SPECC1: variants seen among roughly 807,000 people sequenced by gnomAD.
SPECC1 encodes the protein cytospin-B.
A neutral mutation model predicts 104.1 loss-of-function variants in SPECC1; 62 were observed. The ratio of observed to expected loss-of-function variants is 0.60; its 90% CI spans 0.49 to 0.74. SPECC1 has a LOEUF of 0.74. SPECC1 is among the 30% of genes least tolerant of loss of function. SPECC1 has a pLI of 0.00. For synonymous variants in SPECC1, 513 were observed against 501.6 expected, an observed-to-expected ratio of 1.02 and a Z score of -0.30; for missense variants, 1,306 against 1,310.5, an observed-to-expected ratio of 1.00 and a Z score of 0.05.
In SPECC1 at chr17:20,270,623, G is replaced by GA. The variant is rs997113417; in HGVS notation, c.2940+10342dup. Among the ~76,000 whole-genome samples the GA allele has an allele frequency of 6.3e-4, 94 of 148,742 alleles. 2 individuals are homozygous for GA. In the Middle Eastern group the frequency reaches 0.039, roughly 61 times the overall value. On this transcript the variant is annotated intron_variant, in intron 12 of 14. Transcript: ENST00000395527. The stretch of plus-strand genomic sequence containing the variant: ...AACAGAGAGAGACCCTGTCTCTGGG[G>GA]AAAAAAAAAAAAAGTGTGCCATGAT...
At chr17:20,223,135 C>G (rs1450870294) in intron 4 of SPECC1, among the ~76,000 whole-genome samples, 4 of 152,102 alleles carry the variant, frequency 2.6e-5, no homozygotes, top group African/African-American at 9.7e-5. Context: ...ACCCCAATCT[C>G]TCTCTCTACC....
At chr17:20,096,484 T>C (rs2047648368) in intron 1 of SPECC1, 147 bp from the exon 2 acceptor site, 1 of 951,736 alleles carries the variant, frequency 1.1e-6, no homozygotes, top group African/African-American at 1.6e-5. Flanking sequence ...AAACCCATCT[T>C]AGGAATATTC....
chr17:20,303,312 A>G (rs745675893), intron 13 of SPECC1, among the ~76,000 whole-genome samples: 2 of 152,248 alleles, frequency 1.3e-5, no homozygotes, highest in Non-Finnish European at 2.9e-5. Flanking sequence ...CCCTCTCAGC[A>G]GAACAGAGTA....
intron 1 of SPECC1, among the ~76,000 whole-genome samples, chr17:20,052,272 A>G (rs1402232479): frequency 6.6e-6 from 1 of 152,202 alleles, no homozygotes; most frequent in Admixed American, 6.5e-5. Context: ...AACCGCAGGT[A>G]TTACTGTATT....
intron 1 of SPECC1, among the ~76,000 whole-genome samples, chr17:20,040,315 T>G (rs577217442): frequency 1.3e-5 from 2 of 152,326 alleles, no homozygotes; most frequent in African/African-American, 4.8e-5. Context: ...GTAGAAGCAC[T>G]TCAGACAGGG....
intron 3 of SPECC1, among the ~76,000 whole-genome samples, chr17:20,178,286 G>A (rs917639332): frequency 2.0e-5 from 3 of 152,110 alleles, no homozygotes; most frequent in Non-Finnish European, 4.4e-5. Context: ...CTCTTGAGAC[G>A]TGAGATCAGG....
At chr17:20,274,507 C>CTTTTTTTTTTTTT (rs1162367833) in intron 12 of SPECC1, among the ~76,000 whole-genome samples, 1 of 131,466 alleles carries the variant, frequency 7.6e-6, no homozygotes, top group Non-Finnish European at 1.6e-5. Flanking sequence ...TTTCTTTTTT[C>CTTTTTTTTTTTTT]TTTTTTTTTT....
intron 4 of SPECC1, among the ~76,000 whole-genome samples, chr17:20,222,613 C>G (rs1448013606): frequency 6.6e-6 from 1 of 152,104 alleles, no homozygotes; most frequent in Admixed American, 6.5e-5. Context: ...TTGATAGATT[C>G]ATCTTTTAGT....
intron 2 of SPECC1, among the ~76,000 whole-genome samples, chr17:20,104,845 T>C (rs1176882534): frequency 6.7e-6 from 1 of 150,106 alleles, no homozygotes; most frequent in Non-Finnish European, 1.5e-5. Flanking sequence ...GGCTCACAGG[T>C]TGCCCGATTC....
At chr17:20,123,622 G>A (rs903780807) in intron 3 of SPECC1, among the ~76,000 whole-genome samples, 3 of 152,204 alleles carry the variant, frequency 2.0e-5, no homozygotes, top group South Asian at 2.1e-4. Flanking sequence ...GTGAAGAAGC[G>A]AAAGCTCCAG....
At chr17:20,244,564 C>G (rs1347120566) in intron 7 of SPECC1, among the ~76,000 whole-genome samples, 2 of 151,974 alleles carry the variant, frequency 1.3e-5, no homozygotes, top group African/African-American at 4.8e-5. Flanking sequence ...GTTTTAAGTT[C>G]TGTTTCTCTT....
chr17:20,097,062 C>T (rs1360220337), intron 2 of SPECC1, among the ~76,000 whole-genome samples: 2 of 152,180 alleles, frequency 1.3e-5, no homozygotes, highest in African/African-American at 2.4e-5. Context: ...ATGGACATCC[C>T]GGCAGTTTTG....
At position 20,257,497 on chromosome 17, in the gene SPECC1, C is replaced by A. The variant is rs780568143; in HGVS notation, c.2727C>A (p.Leu909=). 1 of 1,610,282 alleles carries A rather than the reference C, an allele frequency of 6.2e-7. No homozygotes were observed. The highest frequency in any genetic ancestry group is 1.1e-5 in the South Asian group (1 of 90,308). Residue 909 remains leucine (L), a synonymous_variant, in exon 11 of 15, where the codon CTC becomes CTA. Transcript: ENST00000395527. ...RTETLKPDPH[L]RKSPSLESLS... is the part of the protein sequence containing the mutation. ...AGACCCTGAAGCCAGACCCCCACCT[C>A]CGCAAGAGTCCCTCACTAGAGTCAC...
intron 1 of SPECC1, among the ~76,000 whole-genome samples, chr17:20,051,137 T>C (rs867742983): frequency 5.0e-4 from 59 of 118,630 alleles, no homozygotes; most frequent in African/African-American, 1.9e-3. Context: ...TCTTTCTTTC[T>C]TTCCTTCTTT....
chr17:20,256,239 T>G (rs866049829), intron 10 of SPECC1, among the ~76,000 whole-genome samples: 1 of 152,170 alleles, frequency 6.6e-6, no homozygotes, highest in Admixed American at 6.5e-5. Context: ...CTTATTGCTC[T>G]GCAGTTAATA....
chr17:20,169,947 AAACCAGCCT>A (rs2033959053), intron 3 of SPECC1, among the ~76,000 whole-genome samples: 1 of 152,234 alleles, frequency 6.6e-6, no homozygotes, highest in African/African-American at 2.4e-5. Flanking sequence ...CAATCAGATC[AAACCAGCCT>A]ATGTAGTATC....
intron 14 of SPECC1, among the ~76,000 whole-genome samples, chr17:20,308,047 T>A (rs2041821233): frequency 6.6e-6 from 1 of 152,140 alleles, no homozygotes; most frequent in African/African-American, 2.4e-5. Flanking sequence ...TTTAAAGATG[T>A]TCAATCTCAT....
chr17:20,294,960 T>G (rs2142009984), intron 12 of SPECC1, among the ~76,000 whole-genome samples: 1 of 152,174 alleles, frequency 6.6e-6, no homozygotes, highest in Non-Finnish European at 1.5e-5. Context: ...TGAGCAAATT[T>G]GGGAAGTTTA....
At position 20,298,948 on chromosome 17, in the gene SPECC1, A is replaced by AGTGTGT. The variant is rs1555535565; in HGVS notation, c.3057+1890_3057+1895dup. Reference sequence around the variant, plus strand: ...GAGAGAGAGAGAGAGAGAGAGAGAGAGTGTGTGTGTGTGTGTGTGTGTGTA... The same window carrying AGTGTGT: ...GAGAGAGAGAGAGAGAGAGAGAGAGAGTGTGTGTGTGTGTGTGTGTGTGTGTGTGTA... On this transcript the variant is annotated intron_variant, in intron 13 of 14. Coordinates refer to ENST00000395527, the MANE Select transcript of SPECC1 (RefSeq NM_001243439.2). Among the ~76,000 whole-genome samples, 3 of 49,076 alleles carry AGTGTGT rather than the reference A, an allele frequency of 6.1e-5. No individual in the cohort carries two copies. The Admixed American group carries it at 6.3e-4, about 10-fold the overall frequency. The allele number at this position is 49,076 out of a possible 152,430, so 32.2% of individuals were successfully genotyped here.
Sources: allele counts gnomAD v4.1 joint callset (sites outside exome capture counted in the v4.1 genomes callset), GRCh38; gene constraint gnomAD v4.1.1; transcripts MANE v1.5; gene names NCBI Gene and HGNC (gene_info 2026-07-23, HGNC 2026-07-21).